The following SPMIP3 variants were observed in gnomAD, a reference collection of about 807,000 sequenced individuals.
SPMIP3 encodes the protein sperm microtubule inner protein 3.
the SPMIP3 span, chr1:244,389,191 T>A: frequency 1.4e-6 from 1 of 715,158 alleles, no homozygotes; most frequent in Non-Finnish European, 2.4e-6. Context: ...CTAAAATATT[T>A]ACATGTTGCA....
chr1:244,356,918 C>CT, the SPMIP3 span, among the ~76,000 whole-genome samples: 15,331 of 103,652 alleles, frequency 0.15, 1,805 homozygotes, highest in East Asian at 0.36. Flanking sequence ...TTTTCTTTTC[C>CT]TTTTTTTTTT....
chr1:244,363,166 G>T, the SPMIP3 span, among the ~76,000 whole-genome samples: 2 of 152,142 alleles, frequency 1.3e-5, no homozygotes, highest in Non-Finnish European at 2.9e-5. Flanking sequence ...AGCACTTTGA[G>T]AGGCCGAGGT....
At chr1:244,382,609 T>G in the SPMIP3 span, among the ~76,000 whole-genome samples, 2 of 147,824 alleles carry the variant, frequency 1.4e-5, no homozygotes, top group Non-Finnish European at 3.0e-5. Context: ...TGTTTTTTTT[T>G]TTTTTTTTTT....
the SPMIP3 span, among the ~76,000 whole-genome samples, chr1:244,369,163 A>C: frequency 6.6e-6 from 1 of 152,172 alleles, no homozygotes; most frequent in East Asian, 1.9e-4. Flanking sequence ...CGTCTCAAAA[A>C]AAAAAATCAT....
At chr1:244,379,441 A>G in the SPMIP3 span, among the ~76,000 whole-genome samples, 4 of 151,854 alleles carry the variant, frequency 2.6e-5, no homozygotes, top group Admixed American at 6.6e-5. Flanking sequence ...CCTGGCCTCA[A>G]GCAATCCTCC....
At chr1:244,365,195 T>G in the SPMIP3 span, among the ~76,000 whole-genome samples, 1 of 152,226 alleles carries the variant, frequency 6.6e-6, no homozygotes, top group Non-Finnish European at 1.5e-5. Context: ...AGTAAGTACC[T>G]GCTCTGACAC....
the SPMIP3 span, among the ~76,000 whole-genome samples, chr1:244,370,739 C>A: frequency 6.6e-6 from 1 of 152,122 alleles, no homozygotes; most frequent in Non-Finnish European, 1.5e-5. Flanking sequence ...CTTATTAAAA[C>A]AAATCATCAC....
At chr1:244,365,769 A>G in the SPMIP3 span, among the ~76,000 whole-genome samples, 2 of 152,166 alleles carry the variant, frequency 1.3e-5, no homozygotes, top group Admixed American at 6.6e-5. Context: ...CCAGAAGGAT[A>G]TTGGTTTTTG....
the SPMIP3 span, among the ~76,000 whole-genome samples, chr1:244,373,909 T>A: frequency 6.6e-6 from 1 of 151,528 alleles, no homozygotes; most frequent in African/African-American, 2.4e-5. Context: ...AGGCCAGGAG[T>A]TTGAGACCAT....
At chr1:244,355,671 C>A in the SPMIP3 span, among the ~76,000 whole-genome samples, 3 of 152,208 alleles carry the variant, frequency 2.0e-5, no homozygotes, top group Non-Finnish European at 2.9e-5. Flanking sequence ...CAGGCATGAG[C>A]CACCGCGCCC....
the SPMIP3 span, among the ~76,000 whole-genome samples, chr1:244,357,817 C>A: frequency 1.3e-5 from 2 of 152,006 alleles, no homozygotes; most frequent in African/African-American, 2.4e-5. Flanking sequence ...GAGGCTCAGG[C>A]CTGTAATCCC....
chr1:244,373,415 A>G, the SPMIP3 span, among the ~76,000 whole-genome samples: 1 of 142,154 alleles, frequency 7.0e-6, no homozygotes, highest in Non-Finnish European at 1.5e-5. Context: ...AAACAGGAGG[A>G]TCTCTGGATC....
the SPMIP3 span, chr1:244,378,669 T>C: frequency 3.1e-6 from 5 of 1,594,384 alleles, no homozygotes; most frequent in Non-Finnish European, 4.3e-6. Flanking sequence ...CTTAACTCTC[T>C]GAGATTAACC....
the SPMIP3 span, among the ~76,000 whole-genome samples, chr1:244,357,637 A>G: frequency 7.3e-6 from 1 of 137,824 alleles, no homozygotes; most frequent in East Asian, 2.3e-4. Context: ...TGAACCCAGG[A>G]GGTGGAGGTT....
the SPMIP3 span, among the ~76,000 whole-genome samples, chr1:244,387,968 C>A: frequency 6.6e-6 from 1 of 151,568 alleles, no homozygotes; most frequent in East Asian, 1.9e-4. Flanking sequence ...ACTCTTGTTG[C>A]CCAGGCTGGA....
At chr1:244,361,235 C>CTTTCTTTT in the SPMIP3 span, among the ~76,000 whole-genome samples, 2 of 119,314 alleles carry the variant, frequency 1.7e-5, no homozygotes, top group South Asian at 5.5e-4. Context: ...TTCTTTCTTT[C>CTTTCTTTT]TTTTTTTTTT....
At chr1:244,373,209 T>A in the SPMIP3 span, among the ~76,000 whole-genome samples, 1 of 151,232 alleles carries the variant, frequency 6.6e-6, no homozygotes, top group Non-Finnish European at 1.5e-5. Flanking sequence ...AATGAGACCC[T>A]GTCTTTTAAA....
the SPMIP3 span, among the ~76,000 whole-genome samples, chr1:244,372,589 G>A: frequency 3.9e-5 from 6 of 151,952 alleles, no homozygotes; most frequent in East Asian, 1.9e-4. Flanking sequence ...GACTACAGGT[G>A]CCCGCCACCA....
At chr1:244,370,216 A>G in the SPMIP3 span, among the ~76,000 whole-genome samples, 1 of 152,192 alleles carries the variant, frequency 6.6e-6, no homozygotes, top group Non-Finnish European at 1.5e-5. Context: ...CTCTCATGCA[A>G]TCATTAAAGG....
Sources: allele counts gnomAD v4.1 joint callset (sites outside exome capture counted in the v4.1 genomes callset), GRCh38; gene constraint gnomAD v4.1.1; transcripts MANE v1.5; gene names NCBI Gene and HGNC (gene_info 2026-07-23, HGNC 2026-07-21).